FSHR: variants seen among roughly 807,000 people sequenced by gnomAD.
The protein encoded by FSHR is follicle-stimulating hormone receptor.
Under a neutral mutation model 52.1 loss-of-function variants are expected in FSHR, and 46 were observed. The ratio of observed to expected loss-of-function variants is 0.88; its 90% CI spans 0.70 to 1.13. The LOEUF is 1.13. Among genes scored for constraint, FSHR ranks in the 50% most tolerant of loss-of-function variants. The pLI, the probability that FSHR is intolerant of heterozygous loss-of-function variation, is 0.00. For missense variants in FSHR, 964 were observed against 834.6 expected, an observed-to-expected ratio of 1.16 and a Z score of -1.91; for synonymous variants, 399 against 309.6, an observed-to-expected ratio of 1.29 and a Z score of -3.03.
intron 4 of FSHR, among the ~76,000 whole-genome samples, chr2:48,992,654 G>A (rs1675838581): frequency 1.3e-5 from 2 of 151,830 alleles, no homozygotes; most frequent in Admixed American, 1.3e-4. Context: ...TTTGCCCAGG[G>A]GACAATTGGT....
chr2:49,127,156 CG>C (rs1415098781), intron 1 of FSHR, among the ~76,000 whole-genome samples: 1 of 151,972 alleles, frequency 6.6e-6, no homozygotes, highest in Non-Finnish European at 1.5e-5. Flanking sequence ...GGCGAAACCC[CG>C]TCTCTACTAA....
At chr2:48,982,188 G>T (rs912556272) in intron 8 of FSHR, among the ~76,000 whole-genome samples, 3 of 152,180 alleles carry the variant, frequency 2.0e-5, no homozygotes, top group African/African-American at 7.2e-5. Context: ...TGATGGCGAG[G>T]TTGTCAGAGA....
At position 48,963,899 on chromosome 2, in the gene FSHR, T is replaced by C. The variant is rs564756674; in HGVS notation, c.922A>G (p.Arg308Gly). The C allele has an allele frequency of 2.5e-6, 4 of 1,613,664 alleles. No homozygotes were observed. The Admixed American group carries it at 6.7e-5, about 27-fold the overall frequency. Residue 308 changes from arginine to glycine, a missense_variant, in exon 10 of 10, where the codon AGG becomes GGG. Coordinates refer to ENST00000406846, the MANE Select transcript of FSHR (RefSeq NM_000145.4). Reference sequence around the variant, plus strand: ...TCTGCCAGAGAGGATCTCTGACCCCTAGCCTGAGTCATATAATCAACTTCT... The same window carrying C: ...TCTGCCAGAGAGGATCTCTGACCCCCAGCCTGAGTCATATAATCAACTTCT... Reference protein sequence around the residue: ...RQEVDYMTQARGQRSSLAEDN... With the variant: ...RQEVDYMTQAGGQRSSLAEDN...
At chr2:49,039,083 A>G (rs990224252) in intron 2 of FSHR, among the ~76,000 whole-genome samples, 2 of 152,168 alleles carry the variant, frequency 1.3e-5, no homozygotes, top group Non-Finnish European at 2.9e-5. Context: ...TCTAAAGTAC[A>G]GTTTTCACAC....
rs142573168 is a variant in FSHR, at chr2:49,116,130, G to A, written c.152+38136C>T. ...GAGTCATCATGGGTAGAGCAGAGGG[G>A]TGAGGAATTTGTGACAACTGAATCT... On this transcript the variant is annotated intron_variant, in intron 1 of 9. Transcript: ENST00000406846. Among the ~76,000 whole-genome samples, 1,411 of 152,262 alleles carry A rather than the reference G, an allele frequency of 9.3e-3. 16 individuals are homozygous for A. The highest frequency in any genetic ancestry group is 0.032 in the African/African-American group (1,350 of 41,548).
intron 1 of FSHR, among the ~76,000 whole-genome samples, chr2:49,073,941 G>C (rs957431787): frequency 6.6e-6 from 1 of 152,016 alleles, no homozygotes; most frequent in African/African-American, 2.4e-5. Flanking sequence ...ACTGGGGAAA[G>C]GACAGTCTCT....
At position 49,000,075 on chromosome 2, in the gene FSHR, C is replaced by A. The variant is rs1005360866; in HGVS notation, c.375-9438G>T. ...TGTACATCAGAAAGTTCACAATACA[C>A]AAAATCAGAACTGTATTGGTGAAAG... is the stretch of plus-strand genomic sequence containing the variant. On this transcript the variant is annotated intron_variant, in intron 4 of 9. Transcript: ENST00000406846. Among the ~76,000 whole-genome samples the A allele has an allele frequency of 3.9e-5, 6 of 152,216 alleles. No individual in the cohort carries two copies. The South Asian group carries it at 1.2e-3, about 32-fold the overall frequency.
At chr2:49,117,283 C>G (rs1412147072) in intron 1 of FSHR, among the ~76,000 whole-genome samples, 1 of 152,204 alleles carries the variant, frequency 6.6e-6, no homozygotes, top group African/African-American at 2.4e-5. Context: ...CTGACTGCCA[C>G]ACACATCTTT....
chr2:49,045,996 G>A (rs771798875), intron 2 of FSHR, among the ~76,000 whole-genome samples: 5 of 152,148 alleles, frequency 3.3e-5, no homozygotes, highest in Non-Finnish European at 7.4e-5. Flanking sequence ...TATGGAGAAA[G>A]TGCACAGGAT....
At chr2:49,042,948 A>T (rs1253053814) in intron 2 of FSHR, among the ~76,000 whole-genome samples, 1 of 152,118 alleles carries the variant, frequency 6.6e-6, no homozygotes, top group Non-Finnish European at 1.5e-5. Context: ...CATTGACAAC[A>T]CCTTAGGAAA....
intron 2 of FSHR, among the ~76,000 whole-genome samples, chr2:49,045,332 C>A (rs1668619307): frequency 6.6e-6 from 1 of 152,148 alleles, no homozygotes; most frequent in Admixed American, 6.5e-5. Flanking sequence ...CCACCCAGAC[C>A]TACTCAATCA....
At chr2:48,972,948 T>C (rs1387866581) in intron 8 of FSHR, among the ~76,000 whole-genome samples, 1 of 152,108 alleles carries the variant, frequency 6.6e-6, no homozygotes, top group Non-Finnish European at 1.5e-5. Flanking sequence ...TCATATACTC[T>C]GTGGTAGATT....
At chr2:48,991,488 T>A (rs1459026046) in intron 4 of FSHR, among the ~76,000 whole-genome samples, 4 of 152,158 alleles carry the variant, frequency 2.6e-5, no homozygotes, top group African/African-American at 9.7e-5. Flanking sequence ...TCCCCTTTCC[T>A]ATTGGTAAAA....
chr2:48,981,819 G>A (rs991593304), intron 8 of FSHR, among the ~76,000 whole-genome samples: 23 of 152,258 alleles, frequency 1.5e-4, no homozygotes, highest in African/African-American at 4.6e-4. Context: ...ATGGTTGGTC[G>A]GTAGGTGGGT....
chr2:49,023,531 T>C (rs1667815338), intron 2 of FSHR, among the ~76,000 whole-genome samples: 1 of 152,156 alleles, frequency 6.6e-6, no homozygotes, highest in South Asian at 2.1e-4. Flanking sequence ...AGGATTTTGT[T>C]CCAGGGAATT....
chr2:49,029,732 G>A (rs148888021), intron 2 of FSHR, among the ~76,000 whole-genome samples: 1 of 152,248 alleles, frequency 6.6e-6, no homozygotes, highest in East Asian at 1.9e-4. Flanking sequence ...GGAGTCAGGA[G>A]GCCTAGGTTC....
intron 2 of FSHR, among the ~76,000 whole-genome samples, chr2:49,053,728 G>A (rs1211032811): frequency 6.6e-6 from 1 of 152,182 alleles, no homozygotes; most frequent in South Asian, 2.1e-4. Context: ...GTTGACTTCT[G>A]ATAGAAGTAG....
chr2:49,145,544 A>C (rs1246097033), intron 1 of FSHR, among the ~76,000 whole-genome samples: 1 of 152,072 alleles, frequency 6.6e-6, no homozygotes, highest in African/African-American at 2.4e-5. Flanking sequence ...GCAGGTATCC[A>C]TTCCTTCTAG....
chr2:48,976,623 T>C (rs919448149), intron 8 of FSHR, among the ~76,000 whole-genome samples: 4 of 152,210 alleles, frequency 2.6e-5, no homozygotes, highest in Non-Finnish European at 4.4e-5. Context: ...GGGCTTTTTT[T>C]GGTTGGTAGG....
Sources: gnomAD v4.1 joint callset for allele counts (sites outside exome capture counted in the v4.1 genomes callset) on GRCh38, gnomAD v4.1.1 for gene constraint, MANE v1.5 for transcripts, NCBI Gene and HGNC (gene_info 2026-07-23, HGNC 2026-07-21) for gene names.